GTSE1: variants seen among roughly 807,000 people sequenced by gnomAD.
The protein encoded by GTSE1 is G2 and S phase-expressed protein 1.
Under a neutral mutation model 60.5 loss-of-function variants are expected in GTSE1, and 52 were observed. That is an observed-to-expected ratio of 0.86 (90% CI 0.69 to 1.08). The LOEUF is 1.08. Among genes scored for constraint, GTSE1 ranks in the 50% least tolerant of loss-of-function variants. The pLI is 0.00. For missense variants in GTSE1, 937 were observed against 961.8 expected (o/e 0.97, Z 0.34); for synonymous variants, 368 against 386.5 (o/e 0.95, Z 0.56).
rs2077831623 is a variant in GTSE1 at position 46,324,333 on chromosome 22, G to T, written c.1505+1071G>T. On this transcript the variant is annotated intron_variant, in intron 8 of 11. Coordinates refer to ENST00000454366, the MANE Select transcript of GTSE1 (RefSeq NM_016426.7). The surrounding 1 kb of genome is among the most constrained non-coding windows in gnomAD (Gnocchi z 5.2). ...CCTCAGTTTCCTCACCTCACCCAGG[G>T]TTACTTTGAGAATTACATTTATTGG... 6.6e-6 allele frequency among the ~76,000 whole-genome samples: 1 copy of T among 152,006 alleles called. No homozygotes were observed. Among genetic ancestry groups the T allele is most frequent in the Admixed American group, 6.6e-5 (1 of 15,254 alleles).
At chr22:46,301,646 C>A (rs1483350559) in intron 2 of GTSE1, among the ~76,000 whole-genome samples, 8 of 151,916 alleles carry the variant, frequency 5.3e-5, no homozygotes, top group Admixed American at 2.0e-4. Context: ...TGCCACCAGG[C>A]CTGGCTAATT....
intron 9 of GTSE1, 96 bp downstream of exon 9, chr22:46,326,750 G>A: frequency 2.5e-6 from 2 of 791,118 alleles, no homozygotes; most frequent in Non-Finnish European, 3.9e-6. Context: ...CCAGGTTTTA[G>A]TGAAGTAAAT....
At chr22:46,315,903 G>A in intron 6 of GTSE1, 129 bp from the exon 7 acceptor site, 1 of 719,512 alleles carries the variant, frequency 1.4e-6, no homozygotes, top group Non-Finnish European at 2.2e-6. Flanking sequence ...TTGCCTGAAG[G>A]GCTTATAGAA....
chr22:46,302,267 AT>A (rs1471177463), intron 2 of GTSE1, among the ~76,000 whole-genome samples: 1 of 152,174 alleles, frequency 6.6e-6, no homozygotes, highest in Non-Finnish European at 1.5e-5. Context: ...TTAGCCCTTT[AT>A]GAACTGAGTT....
At chr22:46,299,778 T>C (rs1244425318) in intron 2 of GTSE1, among the ~76,000 whole-genome samples, 1 of 151,946 alleles carries the variant, frequency 6.6e-6, no homozygotes, top group Non-Finnish European at 1.5e-5. Context: ...TATAAAGCTC[T>C]TTTCTTTTCT....
chr22:46,319,470 G>A lies in GTSE1; in HGVS notation c.1432+3058G>A, dbSNP rs1171905206. Among the ~76,000 whole-genome samples, 1 of 152,134 alleles carries A rather than the reference G, an allele frequency of 6.6e-6. No homozygotes were observed. The highest frequency in any genetic ancestry group is 1.5e-5 in the Non-Finnish European group (1 of 68,010). On this transcript the variant is annotated intron_variant, in intron 7 of 11. Coordinates refer to ENST00000454366, the MANE Select transcript of GTSE1 (RefSeq NM_016426.7). This position sits in a 1 kb window ranked among gnomAD's most constrained non-coding sequence, Gnocchi z 5.0. ...CATGTGGCAGTGCAGAGAGGGACTC[G>A]AGTGTCCCTGAGGTTCTGGCGGAAC... is the stretch of plus-strand genomic sequence containing the variant.
rs756897484 is a variant in GTSE1, at chr22:46,308,963, G to T, written c.762+20G>T. 6.3e-7 allele frequency: 1 copy of T among 1,587,908 alleles called. No homozygotes were observed. The highest frequency in any genetic ancestry group is 2.2e-5 in the East Asian group (1 of 44,626). ...GAGAAGGTAAATGCCACAGCAGAGC[G>T]CCTGCCTGGGGAGCCCCCACTCCTT... On this transcript the variant is annotated intron_variant, in intron 4 of 11. Coordinates refer to ENST00000454366, the MANE Select transcript of GTSE1 (RefSeq NM_016426.7).
At position 46,316,543 on chromosome 22, in the gene GTSE1, C is replaced by T; in HGVS notation, c.1432+131C>T. ...CTCCAACAGTGCTTTCAGGTGTGAC[C>T]CGCTGTCTTCTCGCCCACGTTGTTT... On this transcript the variant is annotated intron_variant, in intron 7 of 11. Coordinates refer to ENST00000454366, the MANE Select transcript of GTSE1 (RefSeq NM_016426.7). This position sits in a 1 kb window ranked among gnomAD's most constrained non-coding sequence, Gnocchi z 5.0. The T allele has an allele frequency of 4.3e-6, 3 of 698,524 alleles. 1 individual carries two copies. The highest frequency in any genetic ancestry group is 8.3e-4 in the Middle Eastern group (2 of 2,412). The allele number at this position is 698,524 out of a possible 1,614,324, so 43.3% of individuals were successfully genotyped here. A position where few individuals can be genotyped will look rare whatever the true frequency, so the allele number is the denominator to read the frequency against.
In GTSE1 at chr22:46,320,361, C is replaced by A. The variant is rs533395709; in HGVS notation, c.1433-2829C>A. ...GCTGGGAACAGGACTGTCTCTTGCACGCCTTTGGTCATTCATCAGGGTCAA... is the reference window on the plus strand; with the variant it reads ...GCTGGGAACAGGACTGTCTCTTGCAAGCCTTTGGTCATTCATCAGGGTCAA... On this transcript the variant is annotated intron_variant, in intron 7 of 11. Coordinates refer to ENST00000454366, the MANE Select transcript of GTSE1 (RefSeq NM_016426.7). This position sits in a 1 kb window ranked among gnomAD's most constrained non-coding sequence, Gnocchi z 7.1. Among the ~76,000 whole-genome samples the A allele has an allele frequency of 6.6e-6, 1 of 152,330 alleles. No individual in the cohort carries two copies. The highest frequency in any genetic ancestry group is 2.1e-4 in the South Asian group (1 of 4,832).
chr22:46,319,982 C>CAAAA lies in GTSE1; in HGVS notation c.1433-3197_1433-3194dup, dbSNP rs374478660. Among the ~76,000 whole-genome samples, 1 of 115,418 alleles carries CAAAA rather than the reference C, an allele frequency of 8.7e-6. No homozygotes were observed. 75.7% of individuals were successfully genotyped at this position (115,418 alleles called of 152,430 possible). A position where few individuals can be genotyped will look rare whatever the true frequency, so the allele number is the denominator to read the frequency against. Reference sequence around the variant, plus strand: ...CCTGGGCGACAGAACGAGACTGTCTCAAAAAAAAAAAAAAGAAAGAAAGAA... The same window carrying CAAAA: ...CCTGGGCGACAGAACGAGACTGTCTCAAAAAAAAAAAAAAAAAAGAAAGAAAGAA... On this transcript the variant is annotated intron_variant, in intron 7 of 11. Transcript: ENST00000454366. The surrounding 1 kb of genome is among the most constrained non-coding windows in gnomAD (Gnocchi z 5.0).
rs935937970 is a variant in GTSE1 at position 46,320,924 on chromosome 22, AC to A, written c.1433-2264del. On this transcript the variant is annotated intron_variant, in intron 7 of 11. Coordinates refer to ENST00000454366, the MANE Select transcript of GTSE1 (RefSeq NM_016426.7). The surrounding 1 kb of genome is among the most constrained non-coding windows in gnomAD (Gnocchi z 7.1). The stretch of plus-strand genomic sequence containing the variant: ...TTCATAAGAATGACCTTCCCGTGCC[AC>A]CATGGAAGCTGCTGAAGAGTGCGCT... Among the ~76,000 whole-genome samples, 3 of 151,988 alleles carry A rather than the reference AC, an allele frequency of 2.0e-5. No individual in the cohort carries two copies. The highest frequency in any genetic ancestry group is 2.0e-4 in the Admixed American group (3 of 15,262).
In GTSE1 at chr22:46,314,540, C is replaced by T. The variant is rs776933288; in HGVS notation, c.1051+527C>T. On this transcript the variant is annotated intron_variant, in intron 6 of 11. Coordinates refer to ENST00000454366, the MANE Select transcript of GTSE1 (RefSeq NM_016426.7). The surrounding 1 kb of genome is among the most constrained non-coding windows in gnomAD (Gnocchi z 7.1). ...GAGGTGCATTGGCCATGTGGCGTCTCGGGGTCGTTCAGGGCAGCATGGTGT... is the reference window on the plus strand; with the variant it reads ...GAGGTGCATTGGCCATGTGGCGTCTTGGGGTCGTTCAGGGCAGCATGGTGT... Among the ~76,000 whole-genome samples, 3 of 152,066 alleles carry T rather than the reference C, an allele frequency of 2.0e-5. No homozygotes were observed. The highest frequency in any genetic ancestry group is 2.9e-5 in the Non-Finnish European group (2 of 68,010).
rs927283915 is a variant in GTSE1, at chr22:46,297,313, G to A, written c.-21-67G>A. 2.7e-5 allele frequency: 25 copies of A among 938,552 alleles called. No homozygotes were observed. Among genetic ancestry groups the A allele is most frequent in the East Asian group, 1.4e-4 (6 of 41,642 alleles). The allele number at this position is 938,552 out of a possible 1,614,324, so 58.1% of individuals were successfully genotyped here. On this transcript the variant is annotated intron_variant, in intron 1 of 11. Transcript: ENST00000454366. This position sits in a 1 kb window ranked among gnomAD's most constrained non-coding sequence, Gnocchi z 4.9. Reference sequence around the variant, plus strand: ...GCTCTCTCTGCCTCTGTGAGCCGAGGGCTGAAGGAAGCCGGAGCCCTGGGC... The same window carrying A: ...GCTCTCTCTGCCTCTGTGAGCCGAGAGCTGAAGGAAGCCGGAGCCCTGGGC...
chr22:46,322,708 G>C (rs1158037592), intron 7 of GTSE1, among the ~76,000 whole-genome samples: 1 of 152,188 alleles, frequency 6.6e-6, no homozygotes, highest in Non-Finnish European at 1.5e-5. Flanking sequence ...CACAAACACA[G>C]TGTAATGAAT....
At chr22:46,299,459 C>G (rs1189284751) in intron 2 of GTSE1, among the ~76,000 whole-genome samples, 3 of 152,238 alleles carry the variant, frequency 2.0e-5, no homozygotes, top group African/African-American at 7.2e-5. Context: ...TCTGCATACC[C>G]TGTTCTTTTT....
In GTSE1 at chr22:46,319,371, T is replaced by C. The variant is rs938468205; in HGVS notation, c.1432+2959T>C. ...TAATGCGGACCTGGCCCTCACTGTG[T>C]TGGGGAGGAAGCTAGTGCTGGGGAA... On this transcript the variant is annotated intron_variant, in intron 7 of 11. Coordinates refer to ENST00000454366, the MANE Select transcript of GTSE1 (RefSeq NM_016426.7). This position sits in a 1 kb window ranked among gnomAD's most constrained non-coding sequence, Gnocchi z 5.0. Among the ~76,000 whole-genome samples, 2 of 151,906 alleles carry C rather than the reference T, an allele frequency of 1.3e-5. No individual in the cohort carries two copies. Among genetic ancestry groups the C allele is most frequent in the Admixed American group, 6.6e-5 (1 of 15,264 alleles).
chr22:46,329,536 A>T lies in GTSE1; in HGVS notation c.2105A>T (p.Asn702Ile), dbSNP rs1216369738. The T allele has an allele frequency of 6.2e-7, 1 of 1,614,170 alleles. No individual in the cohort carries two copies. The highest frequency in any genetic ancestry group is 8.5e-7 in the Non-Finnish European group (1 of 1,180,016). ...ACAAACACTCCAGACATGAATAAAA[A>T]TGTGGCCAAACCTTCACCGGTGGTG... ...LMTNTPDMNKNVAKPSPVVGQ... is the reference protein window; with the variant it reads ...LMTNTPDMNKIVAKPSPVVGQ... The change falls in exon 11 of 12, where the codon AAT (asparagine) becomes ATT (isoleucine). Residue 702 changes from asparagine (N) to isoleucine (I), a missense_variant. Physicochemically the swap from Asn to Ile is moderately radical, Grantham distance 149 (BLOSUM62 -3). Coordinates refer to ENST00000454366, the MANE Select transcript of GTSE1 (RefSeq NM_016426.7). This position sits in a 1 kb window ranked among gnomAD's most constrained non-coding sequence, Gnocchi z 6.4.
intron 2 of GTSE1, among the ~76,000 whole-genome samples, chr22:46,307,286 A>C (rs2077720696): frequency 6.6e-6 from 1 of 152,196 alleles, no homozygotes; most frequent in African/African-American, 2.4e-5. Context: ...TATTAAATTC[A>C]TTGTTGAACT....
At chr22:46,302,400 G>A (rs2077694293) in intron 2 of GTSE1, among the ~76,000 whole-genome samples, 1 of 152,106 alleles carries the variant, frequency 6.6e-6, no homozygotes, top group African/African-American at 2.4e-5. Flanking sequence ...TCTGAGACAT[G>A]TTCTTGTTCT....
Sources: allele counts gnomAD v4.1 joint callset (sites outside exome capture counted in the v4.1 genomes callset), GRCh38; gene constraint gnomAD v4.1.1; non-coding constraint Gnocchi (gnomAD v3.1); transcripts MANE v1.5; gene names NCBI Gene and HGNC (gene_info 2026-07-23, HGNC 2026-07-21).